The following BACE1 variants were observed in gnomAD, a reference collection of about 807,000 sequenced individuals.
The protein encoded by BACE1 is APP beta-secretase.
A neutral mutation model predicts 54.0 loss-of-function variants in BACE1; 21 were observed. That is an observed-to-expected ratio of 0.39 (90% CI 0.28 to 0.56). The LOEUF (loss-of-function observed/expected upper bound fraction) is 0.56. Ranked by LOEUF, BACE1 falls within the 20% of genes least tolerant of loss-of-function variation. The probability of loss-of-function intolerance (pLI) is 0.63; values close to 1 mark genes in which losing one functional copy is unlikely to be tolerated. For missense variants in BACE1, 511 were observed against 661.2 expected (o/e 0.77, Z 2.49); for synonymous variants, 232 against 260.9 (o/e 0.89, Z 1.07).
chr11:117,289,886 C>G (rs902022163), intron 8 of BACE1, 79 bp from the exon 9 acceptor site: 4 of 1,304,232 alleles, frequency 3.1e-6, no homozygotes, highest in Middle Eastern at 1.9e-4. Context: ...GATAGTGAGG[C>G]CTTGAAATTA....
At chr11:117,303,448 T>C (rs1591864854) in intron 1 of BACE1, among the ~76,000 whole-genome samples, 1 of 152,256 alleles carries the variant, frequency 6.6e-6, no homozygotes, top group African/African-American at 2.4e-5. Flanking sequence ...CCTGCAGTTC[T>C]CAGCAGTAGA....
At chr11:117,306,090 T>C (rs951372453) in intron 1 of BACE1, among the ~76,000 whole-genome samples, 2 of 152,182 alleles carry the variant, frequency 1.3e-5, no homozygotes, top group Non-Finnish European at 2.9e-5. Flanking sequence ...CCTTTTCCCC[T>C]TTTCCAATTG....
In BACE1 at chr11:117,293,477, GTTAT is replaced by G. The variant is rs749311796; in HGVS notation, c.706-293_706-290del. On this transcript the variant is annotated intron_variant, in intron 4 of 8. Coordinates refer to ENST00000313005, the MANE Select transcript of BACE1 (RefSeq NM_012104.6). The surrounding 1 kb of genome is among the most constrained non-coding windows in gnomAD (Gnocchi z 4.1). ...TGCCACAATAAATGTTGAATGAATG[GTTAT>G]TTGTTTATATTATAAGTTTTATTTT... 3.6e-5 allele frequency: 11 copies of G among 302,962 alleles called. No homozygotes were observed. The highest frequency in any genetic ancestry group is 1.7e-4 in the African/African-American group (8 of 46,038). 18.8% of individuals were successfully genotyped at this position (302,962 alleles called of 1,614,324 possible). A position where few individuals can be genotyped will look rare whatever the true frequency, so the allele number is the denominator to read the frequency against.
chr11:117,293,141 A>T lies in BACE1; in HGVS notation c.753T>A (p.Tyr251Ter). The T allele has an allele frequency of 6.2e-7, 1 of 1,614,110 alleles. No homozygotes were observed. Among genetic ancestry groups the T allele is most frequent in the Non-Finnish European group, 8.5e-7 (1 of 1,179,998 alleles). ...DHSLYTGSLW[Y>*]TPIRREWYYE... ...AATACCACTCCCGCCGGATGGGTGT[A>T]TACCAGAGACTGCCTGTGTACAGCG... The change falls in exon 5 of 9, where the codon TAT (tyrosine) becomes TAA (stop). Residue 251 changes from tyrosine (Y) to a stop codon, truncating the protein, a stop_gained. Transcript: ENST00000313005. LOFTEE classifies it high-confidence loss of function. This position sits in a 1 kb window ranked among gnomAD's most constrained non-coding sequence, Gnocchi z 4.1.
At chr11:117,291,217 T>C (rs771406860) in intron 6 of BACE1, among the ~76,000 whole-genome samples, 168 bp from the exon 7 acceptor site, 14 of 151,828 alleles carry the variant, frequency 9.2e-5, no homozygotes, top group Non-Finnish European at 1.5e-4. Flanking sequence ...GGGAGTGTGA[T>C]GTCAAACTTT....
rs2035077326 is a variant in BACE1 at position 117,315,372 on chromosome 11, C to T, written c.261+163G>A. 6.6e-6 allele frequency among the ~76,000 whole-genome samples: 1 copy of T among 152,110 alleles called. No individual in the cohort carries two copies. The highest frequency in any genetic ancestry group is 2.4e-5 in the African/African-American group (1 of 41,422). ...GAGGAGGGAATGGGGAGCTTGGGAA[C>T]ACTTCTGCCAACAACCACGTGACCC... On this transcript the variant is annotated intron_variant, in intron 1 of 8. Coordinates refer to ENST00000313005, the MANE Select transcript of BACE1 (RefSeq NM_012104.6). This position sits in a 1 kb window ranked among gnomAD's most constrained non-coding sequence, Gnocchi z 5.5.
rs1467383823 is a variant in BACE1 at position 117,293,022 on chromosome 11, T to A, written c.840+32A>T. 30 of 1,610,972 alleles carry A rather than the reference T, an allele frequency of 1.9e-5. No individual in the cohort carries two copies. Among genetic ancestry groups the A allele is most frequent in the Non-Finnish European group, 2.5e-5 (30 of 1,178,416 alleles). ...CTTCACATTGTACTGCCTACCCCCT[T>A]ATGTTCCCAGGCTCTCCCTTGGTTT... On this transcript the variant is annotated intron_variant, in intron 5 of 8. Coordinates refer to ENST00000313005, the MANE Select transcript of BACE1 (RefSeq NM_012104.6). This position sits in a 1 kb window ranked among gnomAD's most constrained non-coding sequence, Gnocchi z 4.1.
At position 117,315,413 on chromosome 11, in the gene BACE1, GGAGGGGTCCCTCCTGCTGTCCCCA is replaced by G. The variant is rs2035081790; in HGVS notation, c.261+98_261+121del. 6.8e-6 allele frequency: 9 copies of G among 1,333,122 alleles called. No individual in the cohort carries two copies. In the South Asian group the frequency reaches 1.4e-4, roughly 20 times the overall value. 82.6% of individuals were successfully genotyped at this position (1,333,122 alleles called of 1,614,324 possible). ...CACGTGACCCCCGGGGAATGGCTGGGGAGGGGTCCCTCCTGCTGTCCCCACCAGCCCATTTGAGCAGGGGCTAGC... is the reference window on the plus strand; with the variant it reads ...CACGTGACCCCCGGGGAATGGCTGGGCCAGCCCATTTGAGCAGGGGCTAGC... On this transcript the variant is annotated intron_variant, in intron 1 of 8. Coordinates refer to ENST00000313005, the MANE Select transcript of BACE1 (RefSeq NM_012104.6). This position sits in a 1 kb window ranked among gnomAD's most constrained non-coding sequence, Gnocchi z 5.5.
chr11:117,307,343 C>T (rs2034852225), intron 1 of BACE1, among the ~76,000 whole-genome samples: 1 of 152,024 alleles, frequency 6.6e-6, no homozygotes, highest in African/African-American at 2.4e-5. Flanking sequence ...TGGAGTCTTC[C>T]CCCTGTCGCC....
chr11:117,315,402 G>A lies in BACE1; in HGVS notation c.261+133C>T, dbSNP rs1011898266. The A allele has an allele frequency of 2.4e-6, 3 of 1,252,026 alleles. No homozygotes were observed. The highest frequency in any genetic ancestry group is 3.2e-6 in the Non-Finnish European group (3 of 936,728). 77.6% of individuals were successfully genotyped at this position (1,252,026 alleles called of 1,614,324 possible). ...CTGCCAACAACCACGTGACCCCCGG[G>A]GAATGGCTGGGGAGGGGTCCCTCCT... On this transcript the variant is annotated intron_variant, in intron 1 of 8. Coordinates refer to ENST00000313005, the MANE Select transcript of BACE1 (RefSeq NM_012104.6). This position sits in a 1 kb window ranked among gnomAD's most constrained non-coding sequence, Gnocchi z 5.5.
At position 117,315,930 on chromosome 11, in the gene BACE1, AG is replaced by A; in HGVS notation, c.-136del. The stretch of plus-strand genomic sequence containing the variant: ...GGGGCATCAGGACGCCAGGGCCTGC[AG>A]GGCCCTGGGCCAGCCCCCGGGTCCG... On this transcript the variant is annotated 5_prime_UTR_variant, in exon 1 of 9. Transcript: ENST00000313005. This position sits in a 1 kb window ranked among gnomAD's most constrained non-coding sequence, Gnocchi z 5.5. 2.9e-6 allele frequency: 3 copies of A among 1,040,738 alleles called. No individual in the cohort carries two copies. Among genetic ancestry groups the A allele is most frequent in the Non-Finnish European group, 3.9e-6 (3 of 777,360 alleles). 64.5% of individuals were successfully genotyped at this position (1,040,738 alleles called of 1,614,324 possible). A position where few individuals can be genotyped will look rare whatever the true frequency, so the allele number is the denominator to read the frequency against.
Position 117,315,816 on chromosome 11 carries a change from C to T in BACE1, c.-21G>A. On this transcript the variant is annotated 5_prime_UTR_variant, in exon 1 of 9. Transcript: ENST00000313005. This position sits in a 1 kb window ranked among gnomAD's most constrained non-coding sequence, Gnocchi z 5.5. Reference sequence around the variant, plus strand: ...GCCATGGTGGGCCCCGGCCTTCGGGCCCTCTGGGCTCGCACTGGCCCACGT... The same window carrying T: ...GCCATGGTGGGCCCCGGCCTTCGGGTCCTCTGGGCTCGCACTGGCCCACGT... The T allele has an allele frequency of 7.2e-7, 1 of 1,392,418 alleles. No individual in the cohort carries two copies. Among genetic ancestry groups the T allele is most frequent in the South Asian group, 1.6e-5 (1 of 62,152 alleles). The allele number at this position is 1,392,418 out of a possible 1,614,324, so 86.3% of individuals were successfully genotyped here.
At chr11:117,295,579 T>G in intron 2 of BACE1, 1 of 1,535,656 alleles carries the variant, frequency 6.5e-7, no homozygotes, top group South Asian at 1.2e-5. Flanking sequence ...CTATTGCTCA[T>G]ATTCCTAGAT....
chr11:117,293,242 C>T lies in BACE1; in HGVS notation c.706-54G>A, dbSNP rs1006218731. The T allele has an allele frequency of 2.6e-5, 41 of 1,583,824 alleles. No homozygotes were observed. Among genetic ancestry groups the T allele is most frequent in the Admixed American group, 3.5e-5 (2 of 56,382 alleles). ...GTCCTGGCACAGAAGGAGAGTGAGT[C>T]CCCCAAGGACCAAGCAATAAGATCA... On this transcript the variant is annotated intron_variant, in intron 4 of 8. Transcript: ENST00000313005. The surrounding 1 kb of genome is among the most constrained non-coding windows in gnomAD (Gnocchi z 4.1).
intron 1 of BACE1, among the ~76,000 whole-genome samples, chr11:117,303,120 C>G (rs2134477198): frequency 6.6e-6 from 1 of 152,236 alleles, no homozygotes; most frequent in East Asian, 1.9e-4. Context: ...TCAGTGGCTC[C>G]CAAACCATGG....
At position 117,287,949 on chromosome 11, in the gene BACE1, G is replaced by A. The variant is rs565617311; in HGVS notation, c.*1617C>T. 6.5e-6 allele frequency: 1 copy of A among 152,776 alleles called. No homozygotes were observed. The highest frequency in any genetic ancestry group is 6.5e-5 in the Admixed American group (1 of 15,308). 9.5% of individuals were successfully genotyped at this position (152,776 alleles called of 1,614,324 possible). A position where few individuals can be genotyped will look rare whatever the true frequency, so the allele number is the denominator to read the frequency against. On this transcript the variant is annotated 3_prime_UTR_variant, in exon 9 of 9. Coordinates refer to ENST00000313005, the MANE Select transcript of BACE1 (RefSeq NM_012104.6). ...GCAGGTCCCATACCTGGAAGCAGCG[G>A]GTTGACCAGGTAGGAGTAGGATGCA...
Position 117,293,848 on chromosome 11 carries a change from C to G in BACE1, c.705+23G>C. The stretch of plus-strand genomic sequence containing the variant: ...CATCTCTCCCTCAATGCCAGGACCT[C>G]CCCTCTCTGAGGACCTACTCACCAT... On this transcript the variant is annotated intron_variant, in intron 4 of 8. Coordinates refer to ENST00000313005, the MANE Select transcript of BACE1 (RefSeq NM_012104.6). This position sits in a 1 kb window ranked among gnomAD's most constrained non-coding sequence, Gnocchi z 4.1. 6.2e-7 allele frequency: 1 copy of G among 1,600,022 alleles called. No homozygotes were observed. Among genetic ancestry groups the G allele is most frequent in the Non-Finnish European group, 8.5e-7 (1 of 1,173,228 alleles).
chr11:117,307,315 G>A (rs1162700825), intron 1 of BACE1, among the ~76,000 whole-genome samples: 1 of 151,950 alleles, frequency 6.6e-6, no homozygotes. Flanking sequence ...TCTCTTCCTG[G>A]ATTTTCTTTT....
chr11:117,296,639 C>T lies in BACE1; in HGVS notation c.350+234G>A, dbSNP rs561687578. On this transcript the variant is annotated intron_variant, in intron 2 of 8. Coordinates refer to ENST00000313005, the MANE Select transcript of BACE1 (RefSeq NM_012104.6). Reference sequence around the variant, plus strand: ...CCTCCCACAGGAGGCTGCCCTGTCTCAGCACTGAAGCACTTCCTGGCTACC... The same window carrying T: ...CCTCCCACAGGAGGCTGCCCTGTCTTAGCACTGAAGCACTTCCTGGCTACC... Among the ~76,000 whole-genome samples, 4 of 152,266 alleles carry T rather than the reference C, an allele frequency of 2.6e-5. No homozygotes were observed. In the East Asian group the frequency reaches 7.7e-4, roughly 29 times the overall value.
Sources: allele counts gnomAD v4.1 joint callset (sites outside exome capture counted in the v4.1 genomes callset), GRCh38; gene constraint gnomAD v4.1.1; non-coding constraint Gnocchi (gnomAD v3.1); transcripts MANE v1.5; gene names NCBI Gene and HGNC (gene_info 2026-07-23, HGNC 2026-07-21).